Variants in CLPB observed in about 807,000 individuals in gnomAD.
CLPB encodes the protein mitochondrial disaggregase.
CLPB carries 40 observed loss-of-function variants against 78.4 expected under a neutral mutation model. The observed-to-expected ratio is 0.51, with a 90% CI of 0.40 to 0.66. The LOEUF is 0.66. CLPB is among the 30% of genes least tolerant of loss of function. The probability of loss-of-function intolerance (pLI) is 0.00; values close to 1 mark genes in which losing one functional copy is unlikely to be tolerated. For synonymous variants in CLPB, 333 were observed against 348.0 expected, an observed-to-expected ratio of 0.96 and a Z score of 0.48; for missense variants, 780 against 886.9, an observed-to-expected ratio of 0.88 and a Z score of 1.53.
chr11:72,334,479 C>T (rs577759578), intron 5 of CLPB, among the ~76,000 whole-genome samples: 43 of 152,374 alleles, frequency 2.8e-4, no homozygotes, highest in Admixed American at 7.8e-4. Flanking sequence ...CAGCCCTGCA[C>T]CCTCGCTCTG....
chr11:72,309,428 G>C (rs1156754718), intron 7 of CLPB, among the ~76,000 whole-genome samples: 1 of 152,202 alleles, frequency 6.6e-6, no homozygotes, highest in Non-Finnish European at 1.5e-5. Context: ...ATACGAGTGG[G>C]GGTGGAGTGA....
chr11:72,351,135 GC>G (rs1950606929), intron 5 of CLPB, among the ~76,000 whole-genome samples: 1 of 152,156 alleles, frequency 6.6e-6, no homozygotes, highest in Non-Finnish European at 1.5e-5. Flanking sequence ...TTAGAGAAGG[GC>G]CATGATTTTA....
chr11:72,403,184 G>A, intron 2 of CLPB, 132 bp from the exon 3 acceptor site: 1 of 870,434 alleles, frequency 1.1e-6, no homozygotes, highest in Non-Finnish European at 1.9e-6. Context: ...AACAACCATA[G>A]AAGAAATGAC....
chr11:72,297,805 C>G (rs1473880284), intron 11 of CLPB, among the ~76,000 whole-genome samples: 1 of 151,914 alleles, frequency 6.6e-6, no homozygotes, highest in Non-Finnish European at 1.5e-5. Flanking sequence ...CTGGCCAGAG[C>G]AATAACCTAG....
chr11:72,434,343 C>T lies in CLPB; in HGVS notation c.132G>A (p.Glu44=). ...GRNVTTGSLG[E]PQWLRVATGG... is the part of the protein sequence containing the mutation. ...CGGTGGCTACCCTCAGCCACTGCGG[C>T]TCCCCGAGACTCCCAGTAGTCACAT... The change falls in exon 1 of 16, where the codon GAG becomes GAA. Residue 44 remains glutamate (E), a synonymous_variant. Transcript: ENST00000538039. 6.2e-7 allele frequency: 1 copy of T among 1,611,856 alleles called. No homozygotes were observed.
intron 4 of CLPB, 27 bp from the exon 5 acceptor site, chr11:72,359,035 C>T (rs1334991597): frequency 6.2e-7 from 1 of 1,612,108 alleles, no homozygotes; most frequent in Non-Finnish European, 8.5e-7. Flanking sequence ...ACAAACCCTT[C>T]CATTAGCAAC....
chr11:72,338,571 C>G (rs925992142), intron 5 of CLPB, among the ~76,000 whole-genome samples: 1 of 152,186 alleles, frequency 6.6e-6, no homozygotes, highest in South Asian at 2.1e-4. Flanking sequence ...CATCTTTGCC[C>G]ATCACTCAGA....
chr11:72,412,870 C>T (rs1282839670), intron 2 of CLPB, among the ~76,000 whole-genome samples: 1 of 152,172 alleles, frequency 6.6e-6, no homozygotes, highest in Non-Finnish European at 1.5e-5. Context: ...TTCTTTGTCC[C>T]ATCTCTCTTA....
Position 72,434,345 on chromosome 11 carries a change from C to G in CLPB, c.130G>C (p.Glu44Gln). ...GRNVTTGSLG[E>Q]PQWLRVATGG... ...GTGGCTACCCTCAGCCACTGCGGCT[C>G]CCCGAGACTCCCAGTAGTCACATTC... Residue 44 changes from glutamate to glutamine, a missense_variant, in exon 1 of 16, where the codon GAG becomes CAG. By Grantham distance (29) the Glu-to-Gln change is conservative. Transcript: ENST00000538039. 4 of 1,611,954 alleles carry G rather than the reference C, an allele frequency of 2.5e-6. No homozygotes were observed. The highest frequency in any genetic ancestry group is 3.4e-6 in the Non-Finnish European group (4 of 1,179,612).
At chr11:72,298,869 C>T (rs1402754971) in intron 11 of CLPB, among the ~76,000 whole-genome samples, 1 of 152,162 alleles carries the variant, frequency 6.6e-6, no homozygotes, top group Non-Finnish European at 1.5e-5. Flanking sequence ...CTGTGTATAG[C>T]CCTCTTTTCT....
At chr11:72,320,192 C>T (rs1003544347) in intron 6 of CLPB, among the ~76,000 whole-genome samples, 3 of 152,238 alleles carry the variant, frequency 2.0e-5, no homozygotes, top group African/African-American at 7.2e-5. Flanking sequence ...CCTCACATAA[C>T]GTATCTTTTC....
chr11:72,393,647 C>T (rs1415483725), intron 3 of CLPB, among the ~76,000 whole-genome samples: 7 of 152,212 alleles, frequency 4.6e-5, no homozygotes, highest in Non-Finnish European at 1.0e-4. Context: ...CATCTCCACA[C>T]ACATAGGGCC....
At chr11:72,334,322 C>A (rs950489394) in intron 5 of CLPB, among the ~76,000 whole-genome samples, 12 of 152,244 alleles carry the variant, frequency 7.9e-5, no homozygotes, top group Admixed American at 2.0e-4. Flanking sequence ...TGTCTCCAGC[C>A]CAGGAGGCTC....
At chr11:72,423,695 A>G (rs547161655) in intron 2 of CLPB, among the ~76,000 whole-genome samples, 96 of 152,346 alleles carry the variant, frequency 6.3e-4, no homozygotes, top group Non-Finnish European at 1.1e-3. Context: ...TCACACATAC[A>G]CATACTGGCT....
rs749842069 is a variant in CLPB at position 72,307,188 on chromosome 11, C to T, written c.1122+11G>A. ...ACGATCTGCAGATCAGACCTAGGTC[C>T]CAGTTCTTACCTTTTTAGCATCTTT... On this transcript the variant is annotated intron_variant, in intron 9 of 15. Coordinates refer to ENST00000538039, the MANE Select transcript of CLPB (RefSeq NM_001258392.3). The T allele has an allele frequency of 1.2e-6, 2 of 1,613,490 alleles. No homozygotes were observed. The highest frequency in any genetic ancestry group is 4.5e-5 in the East Asian group (2 of 44,878).
At chr11:72,391,156 T>C (rs777591040) in intron 3 of CLPB, among the ~76,000 whole-genome samples, 4 of 152,216 alleles carry the variant, frequency 2.6e-5, no homozygotes, top group Non-Finnish European at 5.9e-5. Flanking sequence ...TATGATCTAG[T>C]AGTCTTGGGG....
rs114818730 is a variant in CLPB, at chr11:72,328,669, T to C, written c.873+1038A>G. ...GCCAATTTGTGGATAACAGACTCCATGAGGCTGGAAAGGGCACAAAAGTCA... is the reference window on the plus strand; with the variant it reads ...GCCAATTTGTGGATAACAGACTCCACGAGGCTGGAAAGGGCACAAAAGTCA... On this transcript the variant is annotated intron_variant, in intron 6 of 15. Coordinates refer to ENST00000538039, the MANE Select transcript of CLPB (RefSeq NM_001258392.3). 6.4e-3 allele frequency among the ~76,000 whole-genome samples: 969 copies of C among 152,302 alleles called. 11 individuals are homozygous for C. The highest frequency in any genetic ancestry group is 0.022 in the African/African-American group (930 of 41,556).
chr11:72,396,568 C>T (rs1855413032), intron 3 of CLPB, among the ~76,000 whole-genome samples: 1 of 152,166 alleles, frequency 6.6e-6, no homozygotes, highest in Non-Finnish European at 1.5e-5. Context: ...CAGTCTGTAA[C>T]CTCAACTTTC....
rs1451029167 is a variant in CLPB, at chr11:72,287,115, G to A, written c.*6252C>T. On this transcript the variant is annotated 3_prime_UTR_variant, in exon 16 of 16. Coordinates refer to ENST00000538039, the MANE Select transcript of CLPB (RefSeq NM_001258392.3). ...TTTTATTTGGGATTTTTGCATCTAT[G>A]GCCATAGGTGAGATTAGGCTATAGC... 1 of 152,006 alleles carries A rather than the reference G, an allele frequency of 6.6e-6. No individual in the cohort carries two copies. The highest frequency in any genetic ancestry group is 2.4e-5 in the African/African-American group (1 of 41,348). 9.4% of individuals were successfully genotyped at this position (152,006 alleles called of 1,614,324 possible).
Sources: gnomAD v4.1 joint callset for allele counts (sites outside exome capture counted in the v4.1 genomes callset) on GRCh38, gnomAD v4.1.1 for gene constraint, MANE v1.5 for transcripts, NCBI Gene and HGNC (gene_info 2026-07-23, HGNC 2026-07-21) for gene names.